NCF4: variants seen among roughly 807,000 people sequenced by gnomAD.
The protein encoded by NCF4 is neutrophil cytosolic factor 4.
In NCF4, 30 loss-of-function variants were observed where a neutral mutation model predicts 41.7. That is an observed-to-expected ratio of 0.72 (90% CI 0.54 to 0.97). The LOEUF is 0.97. Among genes scored for constraint, NCF4 ranks in the 50% least tolerant of loss-of-function variants. The pLI is 0.00. For synonymous variants in NCF4, 195 were observed against 175.8 expected, an observed-to-expected ratio of 1.11 and a Z score of -0.87; for missense variants, 432 against 460.9, an observed-to-expected ratio of 0.94 and a Z score of 0.57.
chr22:36,863,914 T>C (rs1343627524), intron 1 of NCF4, 131 bp from the exon 2 acceptor site: 2 of 867,244 alleles, frequency 2.3e-6, no homozygotes, highest in African/African-American at 3.3e-5. Context: ...GGACCTGGCC[T>C]GGGAAGGGGT....
Position 36,865,021 on chromosome 22 carries a change from G to A in NCF4, c.220G>A (p.Gly74Arg), listed in dbSNP as rs766377093. The change falls in exon 3 of 10, where the codon GGG becomes AGG. Residue 74 changes from glycine (G) to arginine (R), a missense_variant. Coordinates refer to ENST00000248899, the MANE Select transcript of NCF4 (RefSeq NM_000631.5). This position sits in a 1 kb window ranked among gnomAD's most constrained non-coding sequence, Gnocchi z 4.3. ...GCAGAGCAAGCTGGAGGAGCGCTTC[G>A]GGCCAGACAGCAAGAGCAGTGCCCT... is the stretch of plus-strand genomic sequence containing the variant. ...ALQSKLEERF[G>R]PDSKSSALAC... is the part of the protein sequence containing the mutation. 28 of 1,613,538 alleles carry A rather than the reference G, an allele frequency of 1.7e-5. No individual in the cohort carries two copies. The highest frequency in any genetic ancestry group is 4.0e-5 in the African/African-American group (3 of 74,896).
chr22:36,861,026 T>C lies in NCF4; in HGVS notation c.-146T>C, dbSNP rs1310137943. ...CTGCCAGACTGGAGAGAAGCAGGCC[T>C]GAGCCTCCCCAAAGGCAGCTCCTGG... On this transcript the variant is annotated 5_prime_UTR_variant, in exon 1 of 10. Coordinates refer to ENST00000248899, the MANE Select transcript of NCF4 (RefSeq NM_000631.5). The C allele has an allele frequency of 1.8e-6, 2 of 1,081,240 alleles. No individual in the cohort carries two copies. The highest frequency in any genetic ancestry group is 2.8e-6 in the Non-Finnish European group (2 of 719,934). 67.0% of individuals were successfully genotyped at this position (1,081,240 alleles called of 1,614,324 possible).
In NCF4 at chr22:36,864,242, A is replaced by G. The variant is rs924607274; in HGVS notation, c.117+113A>G. The G allele has an allele frequency of 2.8e-5, 27 of 949,494 alleles. No individual in the cohort carries two copies. In the Admixed American group the frequency reaches 4.6e-4, roughly 16 times the overall value. The allele number at this position is 949,494 out of a possible 1,614,324, so 58.8% of individuals were successfully genotyped here. ...CCAATTCTCTGATCTCTTAACTTCT[A>G]TCTCAGTGGTTCTCAACAGGACCGA... On this transcript the variant is annotated intron_variant, in intron 2 of 9. Coordinates refer to ENST00000248899, the MANE Select transcript of NCF4 (RefSeq NM_000631.5).
At chr22:36,872,220 C>T (rs897580116) in intron 6 of NCF4, 107 bp from the exon 7 acceptor site, 2 of 942,164 alleles carry the variant, frequency 2.1e-6, no homozygotes, top group African/African-American at 3.2e-5. Flanking sequence ...TCTCCCCAAG[C>T]CTCAGTTTCT....
In NCF4 at chr22:36,873,260, G is replaced by C. The variant is rs116572673; in HGVS notation, c.627+835G>C. ...GCAGGTAAGGATGGAGGTAAGATTA[G>C]AGGTGAGGATGGGGGTGAGTTTGGA... On this transcript the variant is annotated intron_variant, in intron 7 of 9. Coordinates refer to ENST00000248899, the MANE Select transcript of NCF4 (RefSeq NM_000631.5). Among the ~76,000 whole-genome samples the C allele has an allele frequency of 4.2e-3, 631 of 151,582 alleles. 2 individuals carry two copies. Among genetic ancestry groups the C allele is most frequent in the African/African-American group, 0.015 (615 of 41,316 alleles).
chr22:36,866,693 G>A (rs1411532887), intron 3 of NCF4, among the ~76,000 whole-genome samples: 1 of 152,158 alleles, frequency 6.6e-6, no homozygotes, highest in East Asian at 1.9e-4. Context: ...CTTCCTCGTA[G>A]GGGTTCTCTT....
chr22:36,872,900 TTGGAGGTGAGGG>T, intron 7 of NCF4, among the ~76,000 whole-genome samples: 1 of 96,342 alleles, frequency 1.0e-5, no homozygotes, highest in African/African-American at 4.2e-5. Context: ...GGAGGTGAGA[TTGGAGGTGAGGG>T]TGGAGGTGAG....
intron 8 of NCF4, 71 bp from the exon 9 acceptor site, chr22:36,875,958 T>A: frequency 6.2e-7 from 1 of 1,614,106 alleles, no homozygotes; most frequent in Non-Finnish European, 8.5e-7. Context: ...GCCAGCCTCA[T>A]TCCCCTTTCC....
intron 2 of NCF4, 38 bp from the exon 3 acceptor site, chr22:36,864,881 G>T (rs760103650): frequency 3.7e-6 from 6 of 1,613,066 alleles, no homozygotes; most frequent in Admixed American, 1.7e-5. Context: ...TTGTGCTCCT[G>T]GCCCCTGAGC....
intron 1 of NCF4, among the ~76,000 whole-genome samples, chr22:36,863,799 C>T: frequency 6.6e-6 from 1 of 151,632 alleles, no homozygotes; most frequent in Non-Finnish European, 1.5e-5. Flanking sequence ...TCAATATGGC[C>T]ACCAGCTTCC....
Position 36,875,988 on chromosome 22 carries a change from C to G in NCF4, c.759-41C>G. ...CTTTCCCCCACCCCACACCCCACTT[C>G]CAGCCTGATGCCTCCTTACTCCAGC... is the stretch of plus-strand genomic sequence containing the variant. On this transcript the variant is annotated intron_variant, in intron 8 of 9. Coordinates refer to ENST00000248899, the MANE Select transcript of NCF4 (RefSeq NM_000631.5). 1 of 1,612,746 alleles carries G rather than the reference C, an allele frequency of 6.2e-7. No homozygotes were observed. Among genetic ancestry groups the G allele is most frequent in the Admixed American group, 1.7e-5 (1 of 60,008 alleles).
intron 4 of NCF4, chr22:36,870,060 G>C: frequency 2.8e-6 from 1 of 363,540 alleles, no homozygotes; most frequent in Middle Eastern, 9.7e-4. Flanking sequence ...GGGATGTCAT[G>C]AGATGGAGCA....
chr22:36,865,041 T>C lies in NCF4; in HGVS notation c.240T>C (p.Ser80=), dbSNP rs35431748. 1.3e-3 allele frequency: 2,115 copies of C among 1,613,000 alleles called. 31 individuals carry two copies. The African/African-American group carries it at 0.026, about 20-fold the overall frequency. The change falls in exon 3 of 10, where the codon AGT becomes AGC. Residue 80 remains serine (S), a synonymous_variant. Coordinates refer to ENST00000248899, the MANE Select transcript of NCF4 (RefSeq NM_000631.5). The surrounding 1 kb of genome is among the most constrained non-coding windows in gnomAD (Gnocchi z 4.3). ...EERFGPDSKS[S]ALACTLPTLP... is the part of the protein sequence containing the mutation. ...GCTTCGGGCCAGACAGCAAGAGCAG[T>C]GCCCTGGCCTGTACCCTGCCCACAC...
intron 3 of NCF4, among the ~76,000 whole-genome samples, chr22:36,866,190 G>T (rs545586623): frequency 6.6e-5 from 10 of 151,876 alleles, no homozygotes; most frequent in African/African-American, 2.4e-4. Context: ...TCAAATTCAC[G>T]CACTGTCTCA....
intron 2 of NCF4, among the ~76,000 whole-genome samples, 193 bp from the exon 3 acceptor site, chr22:36,864,726 T>C (rs2145704374): frequency 6.6e-6 from 1 of 151,798 alleles, no homozygotes; most frequent in South Asian, 2.1e-4. Context: ...TTTCTTTTCT[T>C]TTTTTTTCGC....
chr22:36,876,544 G>A (rs1940198167), intron 9 of NCF4, among the ~76,000 whole-genome samples: 1 of 152,118 alleles, frequency 6.6e-6, no homozygotes, highest in South Asian at 2.1e-4. Flanking sequence ...AAGATACAAA[G>A]AAGTGAAATC....
intron 1 of NCF4, 79 bp downstream of exon 1, chr22:36,861,282 C>T (rs1236032487): frequency 6.0e-6 from 9 of 1,487,624 alleles, no homozygotes; most frequent in Non-Finnish European, 8.3e-6. Flanking sequence ...AGTCCTTCTG[C>T]AGTCCCTGAT....
intron 6 of NCF4, chr22:36,872,099 G>A (rs558026281): frequency 1.4e-6 from 1 of 708,834 alleles, no homozygotes; most frequent in Non-Finnish European, 2.6e-6. Flanking sequence ...TTCCCTGTGT[G>A]CTCACCCCCA....
intron 4 of NCF4, among the ~76,000 whole-genome samples, chr22:36,868,826 A>T (rs970550704): frequency 6.6e-6 from 1 of 152,074 alleles, no homozygotes; most frequent in Non-Finnish European, 1.5e-5. Flanking sequence ...CAGGGCAGGA[A>T]TCTCTGCCAT....
Sources: allele counts gnomAD v4.1 joint callset (sites outside exome capture counted in the v4.1 genomes callset), GRCh38; gene constraint gnomAD v4.1.1; non-coding constraint Gnocchi (gnomAD v3.1); transcripts MANE v1.5; gene names NCBI Gene and HGNC (gene_info 2026-07-23, HGNC 2026-07-21).